Variants in SLC4A4 observed in about 807,000 individuals in gnomAD.
The protein encoded by SLC4A4 is solute carrier family 4 member 4.
In SLC4A4, 27 loss-of-function variants were observed where a neutral mutation model predicts 111.5. That is an observed-to-expected ratio of 0.24 (90% confidence interval 0.18 to 0.33). SLC4A4 has a LOEUF of 0.33. Ranked by LOEUF, SLC4A4 falls within the 10% of genes least tolerant of loss-of-function variation. SLC4A4 has a pLI of 1.00. For missense variants in SLC4A4, 909 were observed against 1,315.5 expected (o/e 0.69, Z 4.78); for synonymous variants, 443 against 463.4 (o/e 0.96, Z 0.57).
At chr4:71,207,402 G>A (rs1717836997) in intron 1 of SLC4A4, among the ~76,000 whole-genome samples, 1 of 152,218 alleles carries the variant, frequency 6.6e-6, no homozygotes. Flanking sequence ...AAGCATGTGT[G>A]AGGATAAATT....
chr4:71,158,268 A>C (rs1466491024), intron 2 of SLC4A4, among the ~76,000 whole-genome samples: 1 of 152,110 alleles, frequency 6.6e-6, no homozygotes, highest in African/African-American at 2.4e-5. Context: ...CAAATGTACA[A>C]CTGTGACCTG....
At chr4:71,483,578 G>A (rs1295640258) in intron 14 of SLC4A4, among the ~76,000 whole-genome samples, 1 of 151,944 alleles carries the variant, frequency 6.6e-6, no homozygotes, top group Admixed American at 6.6e-5. Context: ...TATCATTGAT[G>A]GGCAGTTAAG....
chr4:71,150,716 C>T (rs1744293226), intron 2 of SLC4A4, among the ~76,000 whole-genome samples: 1 of 152,132 alleles, frequency 6.6e-6, no homozygotes, highest in Non-Finnish European at 1.5e-5. Context: ...GGTGAGAGCG[C>T]TTGGGATTTG....
intron 3 of SLC4A4, among the ~76,000 whole-genome samples, chr4:71,281,569 A>G (rs1174415384): frequency 6.6e-6 from 1 of 152,194 alleles, no homozygotes; most frequent in Non-Finnish European, 1.5e-5. Flanking sequence ...AATTTTTAAA[A>G]TAAAATGGAC....
intron 1 of SLC4A4, among the ~76,000 whole-genome samples, chr4:71,203,757 G>T (rs1746360266): frequency 6.6e-6 from 1 of 152,140 alleles, no homozygotes; most frequent in Non-Finnish European, 1.5e-5. Flanking sequence ...AGAGTATAAA[G>T]GTTAATCAAG....
At chr4:71,215,856 C>T (rs547523008) in intron 1 of SLC4A4, among the ~76,000 whole-genome samples, 1 of 151,486 alleles carries the variant, frequency 6.6e-6, no homozygotes, top group East Asian at 1.9e-4. Context: ...GTTGTTTTAC[C>T]GAACAAAATA....
chr4:71,466,168 C>A (rs1256330641), intron 12 of SLC4A4, among the ~76,000 whole-genome samples: 2 of 152,108 alleles, frequency 1.3e-5, no homozygotes, highest in African/African-American at 2.4e-5. Context: ...ATCGGAGCCA[C>A]CTTTTGCCTT....
At chr4:71,239,731 T>C (rs1022279810) in intron 2 of SLC4A4, among the ~76,000 whole-genome samples, 1 of 152,232 alleles carries the variant, frequency 6.6e-6, no homozygotes, top group Admixed American at 6.5e-5. Flanking sequence ...CTTAAAGAGA[T>C]ACTCTTTCAA....
chr4:71,351,140 G>A (rs1729789756), intron 5 of SLC4A4, among the ~76,000 whole-genome samples: 1 of 152,222 alleles, frequency 6.6e-6, no homozygotes, highest in Admixed American at 6.5e-5. Flanking sequence ...GGAAGCCAAA[G>A]CTGCCCTGCA....
chr4:71,559,035 T>C (rs1056165210), intron 22 of SLC4A4, among the ~76,000 whole-genome samples: 3 of 151,904 alleles, frequency 2.0e-5, no homozygotes, highest in Non-Finnish European at 4.4e-5. Context: ...TTGTGCTAAA[T>C]AATAATTTTA....
At chr4:71,191,431 TCTTAAA>T in intron 1 of SLC4A4, among the ~76,000 whole-genome samples, 1 of 152,250 alleles carries the variant, frequency 6.6e-6, no homozygotes, top group Non-Finnish European at 1.5e-5. Flanking sequence ...TGTATGCTTT[TCTTAAA>T]CTTAACTACA....
intron 13 of SLC4A4, among the ~76,000 whole-genome samples, chr4:71,471,775 T>C (rs1450434068): frequency 6.6e-6 from 1 of 151,990 alleles, no homozygotes; most frequent in African/African-American, 2.4e-5. Context: ...ATCAATCAGT[T>C]GTAAGAAATG....
chr4:71,424,695 C>A (rs1394125323), intron 7 of SLC4A4, among the ~76,000 whole-genome samples: 1 of 152,110 alleles, frequency 6.6e-6, no homozygotes, highest in East Asian at 1.9e-4. Context: ...GTTGTAGGGA[C>A]ATGGATGAAA....
intron 3 of SLC4A4, among the ~76,000 whole-genome samples, chr4:71,320,310 C>T (rs141569760): frequency 2.6e-4 from 40 of 152,110 alleles, no homozygotes; most frequent in African/African-American, 7.0e-4. Flanking sequence ...AAATTGACAG[C>T]GTGACCTCAA....
rs1577880985 is a variant in SLC4A4 at position 71,429,770 on chromosome 4, C to CT, written c.808-10844dup. Among the ~76,000 whole-genome samples the CT allele has an allele frequency of 3.9e-5, 6 of 152,086 alleles. No homozygotes were observed. The South Asian group carries it at 1.2e-3, about 32-fold the overall frequency. On this transcript the variant is annotated intron_variant, in intron 7 of 25. Transcript: ENST00000264485. Reference sequence around the variant, plus strand: ...GGCTGGTTATTTTTTGAAGAAACAACTTACAATCTATAAGAAAGGAATGTT... The same window carrying CT: ...GGCTGGTTATTTTTTGAAGAAACAACTTTACAATCTATAAGAAAGGAATGTT...
At chr4:71,131,533 T>G (rs1560735677) in intron 2 of SLC4A4, among the ~76,000 whole-genome samples, 1 of 152,200 alleles carries the variant, frequency 6.6e-6, no homozygotes, top group Non-Finnish European at 1.5e-5. Flanking sequence ...AAGCTCAGAA[T>G]AAGCAGCATT....
intron 2 of SLC4A4, among the ~76,000 whole-genome samples, chr4:71,142,858 C>G (rs926251303): frequency 6.7e-6 from 1 of 148,296 alleles, no homozygotes; most frequent in Non-Finnish European, 1.5e-5. Flanking sequence ...TAGGCATGCG[C>G]AAACTGGCCC....
intron 18 of SLC4A4, among the ~76,000 whole-genome samples, chr4:71,541,085 C>CAACCA (rs1289350883): frequency 2.0e-5 from 3 of 152,098 alleles, no homozygotes; most frequent in Non-Finnish European, 4.4e-5. Context: ...CCAGCTGTGA[C>CAACCA]AACCAAAAAT....
At chr4:71,217,574 A>G (rs1204158388) in intron 1 of SLC4A4, among the ~76,000 whole-genome samples, 1 of 152,232 alleles carries the variant, frequency 6.6e-6, no homozygotes, top group East Asian at 1.9e-4. Context: ...AAAAACAAAA[A>G]CAAAAACAAA....
Sources: gnomAD v4.1 joint callset for allele counts (sites outside exome capture counted in the v4.1 genomes callset) on GRCh38, gnomAD v4.1.1 for gene constraint, MANE v1.5 for transcripts, NCBI Gene and HGNC (gene_info 2026-07-23, HGNC 2026-07-21) for gene names.